CHCHD3: variants seen among roughly 807,000 people sequenced by gnomAD.
The protein encoded by CHCHD3 is MICOS complex subunit MIC19.
A neutral mutation model predicts 38.2 loss-of-function variants in CHCHD3; 20 were observed. The ratio of observed to expected loss-of-function variants is 0.52; its 90% CI spans 0.37 to 0.76. The LOEUF (loss-of-function observed/expected upper bound fraction) is 0.76. Among genes scored for constraint, CHCHD3 ranks in the 30% least tolerant of loss-of-function variants. The pLI is 0.00. For missense variants in CHCHD3, 245 were observed against 279.2 expected, an observed-to-expected ratio of 0.88 and a Z score of 0.87; for synonymous variants, 82 against 100.0, an observed-to-expected ratio of 0.82 and a Z score of 1.07.
chr7:132,967,451 A>T (rs1431734596), intron 4 of CHCHD3, among the ~76,000 whole-genome samples: 1 of 151,956 alleles, frequency 6.6e-6, no homozygotes, highest in Admixed American at 6.6e-5. Flanking sequence ...ATATCTAGTC[A>T]GCATAATATT....
chr7:133,044,118 A>G (rs1454086504), intron 2 of CHCHD3, among the ~76,000 whole-genome samples: 1 of 152,234 alleles, frequency 6.6e-6, no homozygotes, highest in Admixed American at 6.5e-5. Context: ...TCTAATCACC[A>G]TGGCAGGTAG....
chr7:133,074,981 A>C (rs1315091327), intron 1 of CHCHD3, among the ~76,000 whole-genome samples: 1 of 152,142 alleles, frequency 6.6e-6, no homozygotes, highest in African/African-American at 2.4e-5. Flanking sequence ...CTGAGCTTGT[A>C]CTGACTCGTT....
chr7:132,936,121 A>G (rs1810626629), intron 4 of CHCHD3, among the ~76,000 whole-genome samples: 1 of 152,220 alleles, frequency 6.6e-6, no homozygotes, highest in Non-Finnish European at 1.5e-5. Flanking sequence ...GCACAAGAAT[A>G]CAACCACCTC....
chr7:132,977,059 T>A (rs2117336490), intron 3 of CHCHD3, among the ~76,000 whole-genome samples: 1 of 152,346 alleles, frequency 6.6e-6, no homozygotes, highest in Admixed American at 6.5e-5. Flanking sequence ...CAAATTTCTC[T>A]AAATTATTTC....
At chr7:133,046,823 A>G (rs1043315840) in intron 2 of CHCHD3, among the ~76,000 whole-genome samples, 2 of 152,146 alleles carry the variant, frequency 1.3e-5, no homozygotes, top group Non-Finnish European at 2.9e-5. Flanking sequence ...TCGGCCTCCC[A>G]AAGTTCTGGG....
intron 1 of CHCHD3, among the ~76,000 whole-genome samples, chr7:133,071,832 T>C (rs555554709): frequency 9.2e-5 from 14 of 152,056 alleles, no homozygotes; most frequent in Middle Eastern, 6.9e-3. Flanking sequence ...TTAAGCTAAG[T>C]GAAAGAAGCA....
chr7:132,905,799 A>G (rs372658709), intron 4 of CHCHD3, among the ~76,000 whole-genome samples: 3 of 152,200 alleles, frequency 2.0e-5, no homozygotes, highest in African/African-American at 4.8e-5. Flanking sequence ...CTAAGATGCA[A>G]TTCCTCTCCA....
intron 6 of CHCHD3, among the ~76,000 whole-genome samples, chr7:132,811,826 T>G (rs1250297274): frequency 6.6e-6 from 1 of 152,176 alleles, no homozygotes; most frequent in Non-Finnish European, 1.5e-5. Flanking sequence ...GGAGTGATGG[T>G]CCTGGAGGTC....
intron 2 of CHCHD3, among the ~76,000 whole-genome samples, chr7:133,059,130 T>A (rs1814424448): frequency 6.6e-6 from 1 of 152,104 alleles, no homozygotes; most frequent in African/African-American, 2.4e-5. Context: ...GACCACTCTT[T>A]CAAGAAGAAA....
chr7:132,856,986 C>T (rs6974702), intron 5 of CHCHD3, among the ~76,000 whole-genome samples: 35,118 of 152,028 alleles, frequency 0.23, 4,242 homozygotes, highest in South Asian at 0.26. Flanking sequence ...GGTCTCTCTG[C>T]GACAAGCTTG....
intron 6 of CHCHD3, among the ~76,000 whole-genome samples, chr7:132,798,537 T>C (rs956634672): frequency 3.9e-5 from 6 of 152,162 alleles, no homozygotes; most frequent in African/African-American, 1.2e-4. Flanking sequence ...CAGCTGAACC[T>C]AGCAAATACA....
At chr7:133,006,630 A>C (rs1305501627) in intron 3 of CHCHD3, among the ~76,000 whole-genome samples, 2 of 152,190 alleles carry the variant, frequency 1.3e-5, no homozygotes, top group Non-Finnish European at 2.9e-5. Flanking sequence ...ACAAGGATTC[A>C]TACTGGTGGT....
intron 5 of CHCHD3, among the ~76,000 whole-genome samples, chr7:132,873,496 C>T (rs1303893001): frequency 2.0e-5 from 3 of 150,904 alleles, no homozygotes; most frequent in Admixed American, 2.0e-4. Context: ...TCCCTGCAAC[C>T]TCTGCCTCCC....
At chr7:132,981,677 T>C (rs762688204) in intron 3 of CHCHD3, among the ~76,000 whole-genome samples, 7 of 152,232 alleles carry the variant, frequency 4.6e-5, no homozygotes, top group Admixed American at 3.3e-4. Context: ...TTTATCTTCA[T>C]GTAGGTTGAC....
At chr7:132,857,175 C>CTCCTG (rs1585576793) in intron 5 of CHCHD3, among the ~76,000 whole-genome samples, 1 of 152,272 alleles carries the variant, frequency 6.6e-6, no homozygotes, top group East Asian at 1.9e-4. Context: ...GAACATAAAA[C>CTCCTG]AAAAGGCTTT....
chr7:132,850,785 C>T (rs946498062), intron 5 of CHCHD3, among the ~76,000 whole-genome samples: 1 of 152,128 alleles, frequency 6.6e-6, no homozygotes, highest in African/African-American at 2.4e-5. Context: ...TTAAAAATCA[C>T]ATAAATACAT....
At position 132,972,030 on chromosome 7, in the gene CHCHD3, G is replaced by A. The variant is rs139325509; in HGVS notation, c.369+3139C>T. Among the ~76,000 whole-genome samples the A allele has an allele frequency of 2.1e-3, 325 of 152,278 alleles. 2 individuals carry two copies. The highest frequency in any genetic ancestry group is 7.5e-3 in the African/African-American group (313 of 41,566). On this transcript the variant is annotated intron_variant, in intron 4 of 7. Transcript: ENST00000262570. ...CCGCACAGTACTGGTTTGGAGGGTG[G>A]TGGGATACATAATCTGAGACCCTAA... is the stretch of plus-strand genomic sequence containing the variant.
At chr7:132,915,636 G>C (rs1157588467) in intron 4 of CHCHD3, among the ~76,000 whole-genome samples, 1 of 152,086 alleles carries the variant, frequency 6.6e-6, no homozygotes, top group Non-Finnish European at 1.5e-5. Context: ...GGTCAATTGA[G>C]CATTTCAAAT....
intron 3 of CHCHD3, among the ~76,000 whole-genome samples, chr7:133,009,121 T>C (rs1334549107): frequency 1.3e-5 from 2 of 151,778 alleles, no homozygotes; most frequent in African/African-American, 4.8e-5. Context: ...CCCAGCACTT[T>C]GGGAGGCCAA....
Sources: allele counts gnomAD v4.1 joint callset (sites outside exome capture counted in the v4.1 genomes callset), GRCh38; gene constraint gnomAD v4.1.1; transcripts MANE v1.5; gene names NCBI Gene and HGNC (gene_info 2026-07-23, HGNC 2026-07-21).